The following EPHA7 variants were observed in gnomAD, a reference collection of about 807,000 sequenced individuals.
The protein encoded by EPHA7 is ephrin type-A receptor 7.
A neutral mutation model predicts 112.6 loss-of-function variants in EPHA7; 25 were observed. The ratio of observed to expected loss-of-function variants is 0.22; its 90% confidence interval spans 0.16 to 0.31. The LOEUF (loss-of-function observed/expected upper bound fraction) is 0.31. Ranked by LOEUF, EPHA7 falls within the 10% of genes least tolerant of loss-of-function variation. EPHA7 has a pLI of 1.00. For missense variants in EPHA7, 962 were observed against 1,212.6 expected, an observed-to-expected ratio of 0.79 and a Z score of 3.07; for synonymous variants, 437 against 406.5, an observed-to-expected ratio of 1.07 and a Z score of -0.90.
chr6:93,343,073 A>G (rs958505780), intron 5 of EPHA7, among the ~76,000 whole-genome samples: 2 of 151,764 alleles, frequency 1.3e-5, no homozygotes, highest in African/African-American at 4.8e-5. Context: ...AATAATACTG[A>G]TCTACAACAG....
At chr6:93,335,144 C>T (rs990001778) in intron 5 of EPHA7, among the ~76,000 whole-genome samples, 1 of 152,022 alleles carries the variant, frequency 6.6e-6, no homozygotes, top group Non-Finnish European at 1.5e-5. Context: ...AGTTTGATTC[C>T]TAGAGGGTCA....
chr6:93,275,016 CGTT>C, intron 5 of EPHA7, among the ~76,000 whole-genome samples: 1 of 151,950 alleles, frequency 6.6e-6, no homozygotes, highest in Admixed American at 6.6e-5. Flanking sequence ...ACTAAATTAA[CGTT>C]ATTGTAACAA....
chr6:93,384,598 T>C (rs1777507457), intron 3 of EPHA7, among the ~76,000 whole-genome samples: 1 of 152,172 alleles, frequency 6.6e-6, no homozygotes, highest in Non-Finnish European at 1.5e-5. Context: ...ATTTCATATG[T>C]CACCCACTTT....
At chr6:93,259,240 G>C (rs1348729745) in intron 10 of EPHA7, 114 bp downstream of exon 10, 3 of 1,338,068 alleles carry the variant, frequency 2.2e-6, no homozygotes, top group Non-Finnish European at 3.1e-6. Context: ...CAACAGTTCA[G>C]GTAAATGCAA....
intron 5 of EPHA7, among the ~76,000 whole-genome samples, chr6:93,313,406 G>T (rs1479646399): frequency 6.6e-6 from 1 of 151,950 alleles, no homozygotes; most frequent in African/African-American, 2.4e-5. Flanking sequence ...TTTAATAGCT[G>T]GTGATTATTT....
intron 3 of EPHA7, among the ~76,000 whole-genome samples, chr6:93,406,705 T>C (rs1389217982): frequency 6.6e-6 from 1 of 151,898 alleles, no homozygotes; most frequent in Admixed American, 6.6e-5. Flanking sequence ...AAACTGTCTA[T>C]GCAAATCCAA....
chr6:93,260,391 G>C (rs1770633129), intron 9 of EPHA7: 2 of 359,934 alleles, frequency 5.6e-6, no homozygotes, highest in Non-Finnish European at 7.7e-6. Context: ...TTACAATAAT[G>C]TATTCCAAAT....
At chr6:93,376,275 G>T (rs1174973385) in intron 3 of EPHA7, among the ~76,000 whole-genome samples, 4 of 152,028 alleles carry the variant, frequency 2.6e-5, no homozygotes, top group Admixed American at 2.6e-4. Flanking sequence ...GAGCAGCTGG[G>T]ACCACAGGCA....
At chr6:93,381,398 T>G (rs351345) in intron 3 of EPHA7, among the ~76,000 whole-genome samples, 3,235 of 152,314 alleles carry the variant, frequency 0.021, 53 homozygotes, top group Non-Finnish European at 0.033. Flanking sequence ...AAGATCATAT[T>G]GTGTTTTATT....
At chr6:93,347,127 T>C (rs904843600) in intron 5 of EPHA7, among the ~76,000 whole-genome samples, 2 of 151,850 alleles carry the variant, frequency 1.3e-5, no homozygotes, top group East Asian at 1.9e-4. Flanking sequence ...TATAGAGCTA[T>C]AAACACTTTT....
At chr6:93,248,096 C>CA (rs1311926127) in intron 14 of EPHA7, among the ~76,000 whole-genome samples, 13 of 133,508 alleles carry the variant, frequency 9.7e-5, no homozygotes, top group Non-Finnish European at 1.8e-4. Context: ...AGAAATGTAA[C>CA]AAAAAATGAC....
chr6:93,284,137 AGTT>A (rs947737364), intron 5 of EPHA7, among the ~76,000 whole-genome samples: 6 of 152,030 alleles, frequency 3.9e-5, no homozygotes, highest in Non-Finnish European at 7.4e-5. Context: ...TCAGTACCAT[AGTT>A]GTTTCTATTT....
At chr6:93,402,234 A>G (rs1016987812) in intron 3 of EPHA7, among the ~76,000 whole-genome samples, 3 of 152,024 alleles carry the variant, frequency 2.0e-5, no homozygotes, top group Non-Finnish European at 4.4e-5. Flanking sequence ...ATTTACTGAA[A>G]CAAGTACCAT....
intron 14 of EPHA7, among the ~76,000 whole-genome samples, chr6:93,251,462 A>G (rs1036091725): frequency 6.6e-6 from 1 of 151,608 alleles, no homozygotes; most frequent in African/African-American, 2.4e-5. Context: ...ATAAGAAAAA[A>G]ATACTTTCTT....
At chr6:93,384,827 G>A (rs936815718) in intron 3 of EPHA7, among the ~76,000 whole-genome samples, 33 of 152,050 alleles carry the variant, frequency 2.2e-4, no homozygotes, top group Admixed American at 2.0e-3. Context: ...ATGAAAATCA[G>A]TGTTAATTTC....
chr6:93,265,986 C>T (rs1174348739), intron 7 of EPHA7, among the ~76,000 whole-genome samples: 1 of 151,556 alleles, frequency 6.6e-6, no homozygotes, highest in Non-Finnish European at 1.5e-5. Flanking sequence ...CAGGAAAAAT[C>T]GCTCTGGTCT....
intron 3 of EPHA7, among the ~76,000 whole-genome samples, chr6:93,377,994 TTAAACCATTCTAA>T (rs1393549215): frequency 7.2e-5 from 11 of 152,060 alleles, no homozygotes; most frequent in African/African-American, 2.7e-4. Flanking sequence ...CAATAATAAA[TTAAACCATTCTAA>T]TAAAGCATTA....
At chr6:93,271,738 A>G (rs1182895850) in intron 6 of EPHA7, among the ~76,000 whole-genome samples, 1 of 151,962 alleles carries the variant, frequency 6.6e-6, no homozygotes, top group African/African-American at 2.4e-5. Flanking sequence ...AGAGGTGTAA[A>G]TAAGTCCCAT....
Position 93,246,793 on chromosome 6 carries a change from T to C in EPHA7, c.2725A>G (p.Arg909Gly), listed in dbSNP as rs1017335866. Residue 909 changes from arginine (R) to glycine (G), a missense_variant and splice_region_variant, in exon 15 of 17, where the codon AGG (arginine) becomes GGG (glycine). This residue lies in a region of EPHA7 where 746 missense variants were observed against 889.2 expected (regional missense o/e 0.84). Coordinates refer to ENST00000369303, the MANE Select transcript of EPHA7 (RefSeq NM_004440.4). ...SLKTPLGTCS[R>G]PISPLLDQNT... The stretch of plus-strand genomic sequence containing the variant: ...TCCATTCCCTTAGGCATTTCTTACC[T>C]ACTACAAGTTCCCAGGGGAGTTTTC... The C allele has an allele frequency of 6.3e-7, 1 of 1,599,520 alleles. No individual in the cohort carries two copies. Among genetic ancestry groups the C allele is most frequent in the Non-Finnish European group, 8.6e-7 (1 of 1,167,778 alleles).
Sources: allele counts gnomAD v4.1 joint callset (sites outside exome capture counted in the v4.1 genomes callset), GRCh38; gene constraint gnomAD v4.1.1; regional missense constraint gnomAD v4.1.1; transcripts MANE v1.5; gene names NCBI Gene and HGNC (gene_info 2026-07-23, HGNC 2026-07-21).